Variants in CCDC141 observed in about 807,000 individuals in gnomAD.
The protein encoded by CCDC141 is coiled-coil domain containing 141, also known as coiled-coil domain-containing protein 141.
A neutral mutation model predicts 181.0 loss-of-function variants in CCDC141; 168 were observed. The observed-to-expected ratio is 0.93, with a 90% CI of 0.82 to 1.05. The LOEUF (loss-of-function observed/expected upper bound fraction) is 1.05. Among genes scored for constraint, CCDC141 ranks in the 50% least tolerant of loss-of-function variants. The pLI, the probability that CCDC141 is intolerant of heterozygous loss-of-function variation, is 0.00. For synonymous variants in CCDC141, 666 were observed against 642.3 expected (o/e 1.04, Z -0.56); for missense variants, 1,902 against 1,788.5 (o/e 1.06, Z -1.14).
intron 5 of CCDC141, among the ~76,000 whole-genome samples, chr2:178,956,290 ATTTTAT>A (rs968330728): frequency 6.6e-6 from 1 of 152,022 alleles, no homozygotes; most frequent in African/African-American, 2.4e-5. Context: ...CAGAGTCTAA[ATTTTAT>A]TTTTATTTTA....
intron 6 of CCDC141, among the ~76,000 whole-genome samples, chr2:178,922,859 T>G (rs1688753256): frequency 6.6e-6 from 1 of 152,242 alleles, no homozygotes; most frequent in African/African-American, 2.4e-5. Context: ...AGGGGCCATT[T>G]TGTGGCTCTT....
chr2:178,853,329 A>C (rs1685244396), intron 20 of CCDC141, 112 bp downstream of exon 20: 1 of 869,570 alleles, frequency 1.1e-6, no homozygotes, highest in Non-Finnish European at 1.8e-6. Flanking sequence ...CCCTGAATAC[A>C]CTGGTGTGCT....
intron 11 of CCDC141, among the ~76,000 whole-genome samples, chr2:178,882,515 A>G (rs948366752): frequency 8.5e-5 from 13 of 152,228 alleles, no homozygotes; most frequent in Admixed American, 6.5e-4. Flanking sequence ...AGTTTATTGG[A>G]ACCCATGGAG....
At chr2:178,892,246 C>A (rs912543381) in intron 8 of CCDC141, among the ~76,000 whole-genome samples, 3 of 152,076 alleles carry the variant, frequency 2.0e-5, no homozygotes, top group Admixed American at 6.6e-5. Flanking sequence ...CTATTTAAAG[C>A]CTTAGAGGGA....
chr2:178,971,884 A>C (rs1220565690), intron 4 of CCDC141, among the ~76,000 whole-genome samples: 2 of 152,094 alleles, frequency 1.3e-5, no homozygotes, highest in Non-Finnish European at 2.9e-5. Context: ...ATGAGAACAC[A>C]TGGACACAGG....
chr2:178,903,663 G>A (rs1356423736), intron 8 of CCDC141, among the ~76,000 whole-genome samples: 2 of 151,152 alleles, frequency 1.3e-5, no homozygotes, highest in African/African-American at 4.9e-5. Flanking sequence ...GCTAAATGAC[G>A]AGTTAATGGG....
At chr2:178,923,386 G>C (rs553917857) in intron 6 of CCDC141, among the ~76,000 whole-genome samples, 1 of 152,256 alleles carries the variant, frequency 6.6e-6, no homozygotes, top group Admixed American at 6.5e-5. Context: ...TTACAGGCGT[G>C]AGCCACCGCG....
In CCDC141 at chr2:178,878,478, A is replaced by AATT. The variant is rs1686452003; in HGVS notation, c.1720-336_1720-335insAAT. 3.5e-5 allele frequency among the ~76,000 whole-genome samples: 4 copies of AATT among 114,612 alleles called. No homozygotes were observed. The East Asian group carries it at 1.0e-3, about 29-fold the overall frequency. 75.2% of individuals were successfully genotyped at this position (114,612 alleles called of 152,430 possible). On this transcript the variant is annotated intron_variant, in intron 11 of 23. Transcript: ENST00000443758. ...AGGCACCCGGCACCAGGCCTGGCTA[A>AATT]TTTTTTTTTTTTTTTTTTTTGGTAG...
chr2:178,990,135 A>G (rs1691976999), intron 2 of CCDC141, among the ~76,000 whole-genome samples: 1 of 115,498 alleles, frequency 8.7e-6, no homozygotes, highest in Non-Finnish European at 1.7e-5. Context: ...GCGAAATTCC[A>G]TCTCAAAAAA....
intron 22 of CCDC141, among the ~76,000 whole-genome samples, chr2:178,838,769 A>G (rs144126819): frequency 1.2e-3 from 187 of 152,286 alleles, no homozygotes; most frequent in African/African-American, 4.3e-3. Context: ...CTCTGCTCCA[A>G]TCTGAGTGTA....
chr2:179,032,195 A>G (rs1476980785), intron 2 of CCDC141, among the ~76,000 whole-genome samples: 2 of 152,028 alleles, frequency 1.3e-5, no homozygotes, highest in African/African-American at 4.8e-5. Context: ...CTCTCATGGC[A>G]CCTGTAGGAC....
intron 4 of CCDC141, among the ~76,000 whole-genome samples, chr2:178,962,904 C>A (rs1239273867): frequency 6.6e-6 from 1 of 152,178 alleles, no homozygotes; most frequent in African/African-American, 2.4e-5. Flanking sequence ...CTCACATCCT[C>A]AACACCCTCC....
At chr2:178,893,823 G>GCACA (rs34654821) in intron 8 of CCDC141, among the ~76,000 whole-genome samples, 68 of 141,988 alleles carry the variant, frequency 4.8e-4, no homozygotes, top group African/African-American at 8.4e-4. Flanking sequence ...ACACACACAC[G>GCACA]CACACACACA....
intron 2 of CCDC141, among the ~76,000 whole-genome samples, chr2:178,987,392 C>T (rs945592459): frequency 6.6e-6 from 1 of 151,964 alleles, no homozygotes; most frequent in African/African-American, 2.4e-5. Flanking sequence ...CATTACCATT[C>T]AGGACATAGG....
intron 8 of CCDC141, among the ~76,000 whole-genome samples, chr2:178,904,057 C>G (rs1315661606): frequency 4.6e-5 from 7 of 152,114 alleles, no homozygotes; most frequent in Admixed American, 2.0e-4. Flanking sequence ...TCTGGAAAAG[C>G]TGGAAAAGAG....
Position 178,837,743 on chromosome 2 carries a change from C to A in CCDC141, c.3476G>T (p.Gly1159Val). ...QTIFNEERNK[G>V]QVQVADLLGI... ...CAAAAGATCTGCCACCTGCACCTGC[C>A]CCTTGAAAAAAGAAAAGCCAAATCA... is the stretch of plus-strand genomic sequence containing the variant. The change falls in exon 23 of 24, where the codon GGG becomes GTG. Residue 1159 changes from glycine to valine, a missense_variant and splice_region_variant. Physicochemically the swap from Gly to Val is moderately radical, Grantham distance 109. Transcript: ENST00000443758. 1.3e-6 allele frequency: 2 copies of A among 1,585,784 alleles called. No homozygotes were observed. Among genetic ancestry groups the A allele is most frequent in the Non-Finnish European group, 1.7e-6 (2 of 1,169,994 alleles).
chr2:178,988,276 A>T (rs551796416), intron 2 of CCDC141, among the ~76,000 whole-genome samples: 1 of 141,664 alleles, frequency 7.1e-6, no homozygotes, highest in African/African-American at 2.6e-5. Context: ...CAGTGAGATC[A>T]CATGGACACA....
At chr2:178,863,519 G>A (rs1044787591) in intron 17 of CCDC141, among the ~76,000 whole-genome samples, 21 of 152,152 alleles carry the variant, frequency 1.4e-4, no homozygotes, top group African/African-American at 4.8e-4. Context: ...ATAATGTCTA[G>A]ATAGCAAATA....
chr2:178,901,636 C>G (rs1030460427), intron 8 of CCDC141, among the ~76,000 whole-genome samples: 2 of 151,716 alleles, frequency 1.3e-5, no homozygotes, highest in African/African-American at 4.8e-5. Flanking sequence ...TATGACAAAC[C>G]CACAGCCAAT....
Sources: gnomAD v4.1 joint callset for allele counts (sites outside exome capture counted in the v4.1 genomes callset) on GRCh38, gnomAD v4.1.1 for gene constraint, MANE v1.5 for transcripts, NCBI Gene and HGNC (gene_info 2026-07-23, HGNC 2026-07-21) for gene names.